Variants in ANKRD24 observed in about 807,000 individuals in gnomAD.
ANKRD24 encodes ankyrin repeat domain-containing protein 24.
A neutral mutation model predicts 127.8 loss-of-function variants in ANKRD24; 109 were observed. The observed-to-expected ratio is 0.85, with a 90% confidence interval of 0.73 to 1.00. The LOEUF is 1.00. Among genes scored for constraint, ANKRD24 ranks in the 50% least tolerant of loss-of-function variants. ANKRD24 has a pLI of 0.00. For missense variants in ANKRD24, 1,648 were observed against 1,570.2 expected (o/e 1.05, Z -0.84); for synonymous variants, 743 against 671.1 (o/e 1.11, Z -1.66).
At chr19:4,208,080 G>A in intron 10 of ANKRD24, 112 bp downstream of exon 10, 1 of 1,191,812 alleles carries the variant, frequency 8.4e-7, no homozygotes, top group Non-Finnish European at 1.1e-6. Flanking sequence ...CATTCTAGGA[G>A]GTCCTAGAGC....
intron 7 of ANKRD24, among the ~76,000 whole-genome samples, chr19:4,204,089 G>A (rs766845086): frequency 3.2e-4 from 46 of 146,020 alleles, no homozygotes; most frequent in Non-Finnish European, 6.1e-4. Flanking sequence ...TCAGCCTCCC[G>A]AGTAGCGGGG....
At chr19:4,196,219 G>A (rs1209261864) in intron 2 of ANKRD24, among the ~76,000 whole-genome samples, 1 of 152,164 alleles carries the variant, frequency 6.6e-6, no homozygotes, top group Non-Finnish European at 1.5e-5. Context: ...ATTTCAGAGA[G>A]GGAAAGCGAT....
rs373820003 is a variant in ANKRD24 at position 4,202,048 on chromosome 19, C to A, written c.366C>A (p.Ala122=). 6.2e-7 allele frequency: 1 copy of A among 1,613,718 alleles called. No individual in the cohort carries two copies. Among genetic ancestry groups the A allele is most frequent in the African/African-American group, 1.3e-5 (1 of 74,884 alleles). ...CAGGTTACAATGCCCTCCACCTGGC[C>A]GCCAAATACGGGCACCCACAGTGCT... The part of the protein sequence containing the change: ...DGAGYNALHL[A]AKYGHPQCLK... The change falls in exon 6 of 22, where the codon GCC becomes GCA. Residue 122 remains alanine (A), a synonymous_variant. Coordinates refer to ENST00000318934, the MANE Select transcript of ANKRD24 (RefSeq NM_001393985.1).
chr19:4,217,728 G>C lies in ANKRD24; in HGVS notation c.2568G>C (p.Gln856His). Residue 856 changes from glutamine (Q) to histidine (H), a missense_variant, in exon 18 of 22, where the codon CAG (glutamine) becomes CAC (histidine). Gln to His is a conservative substitution (Grantham distance 24). Transcript: ENST00000318934. ...GGGAGCTGGAGGTTCTGCGGGAGCA[G>C]CTGGCCACGGCCAGGGCCACGGGGG... ...QSRELEVLREQLATARATGEQ... is the reference protein window; with the variant it reads ...QSRELEVLREHLATARATGEQ... 4.6e-6 allele frequency: 6 copies of C among 1,293,386 alleles called. No individual in the cohort carries two copies. Among genetic ancestry groups the C allele is most frequent in the Non-Finnish European group, 5.9e-6 (6 of 1,025,020 alleles). The allele number at this position is 1,293,386 out of a possible 1,614,324, so 80.1% of individuals were successfully genotyped here.
Position 4,198,022 on chromosome 19 carries a change from G to C in ANKRD24, c.37-1661G>C, listed in dbSNP as rs1428104226. ...GTGAATGAATGAAAGTGTGAGTGGCGAGAGCCCTGCCGGCCGCGTGGAGGT... is the reference window on the plus strand; with the variant it reads ...GTGAATGAATGAAAGTGTGAGTGGCCAGAGCCCTGCCGGCCGCGTGGAGGT... On this transcript the variant is annotated intron_variant, in intron 2 of 21. Transcript: ENST00000318934. The surrounding 1 kb of genome is among the most constrained non-coding windows in gnomAD (Gnocchi z 6.1). The C allele has an allele frequency of 4.9e-6, 2 of 408,628 alleles. No homozygotes were observed. Among genetic ancestry groups the C allele is most frequent in the Non-Finnish European group, 8.7e-6 (2 of 231,004 alleles). 25.3% of individuals were successfully genotyped at this position (408,628 alleles called of 1,614,324 possible).
rs1970158391 is a variant in ANKRD24, at chr19:4,217,311, C to A, written c.2151C>A (p.Ala717=). ...TCCTACATCCTGGTGCCGCAGAGGC[C>A]TCGGAAAAGCTTCAAGTAGAGCTGG... is the stretch of plus-strand genomic sequence containing the variant. ...GPILHPGAAE[A]SEKLQVELET... is the part of the protein sequence containing the mutation. The change falls in exon 18 of 22, where the codon GCC becomes GCA. Residue 717 remains alanine (A), a synonymous_variant. Transcript: ENST00000318934. The A allele has an allele frequency of 6.4e-7, 1 of 1,552,576 alleles. No individual in the cohort carries two copies. Among genetic ancestry groups the A allele is most frequent in the South Asian group, 1.2e-5 (1 of 84,168 alleles).
In ANKRD24 at chr19:4,217,088, C is replaced by G. The variant is rs1291672940; in HGVS notation, c.1928C>G (p.Thr643Arg). Residue 643 changes from threonine (T) to arginine (R), a missense_variant, in exon 18 of 22, where the codon ACA becomes AGA. Physicochemically the swap from Thr to Arg is moderately conservative, Grantham distance 71 (BLOSUM62 -1). Transcript: ENST00000318934. ...TGVEAMGVEA[T>R]KTKAEEAEMQ... ...GTGGAGGCCATGGGGGTGGAGGCCA[C>G]AAAAACAAAAGCAGAGGAAGCAGAA... is the stretch of plus-strand genomic sequence containing the variant. 6.2e-7 allele frequency: 1 copy of G among 1,613,676 alleles called. No homozygotes were observed. The highest frequency in any genetic ancestry group is 8.5e-7 in the Non-Finnish European group (1 of 1,179,844).
In ANKRD24 at chr19:4,216,280, C is replaced by A. The variant is rs1262418086; in HGVS notation, c.1271-4C>A. On this transcript the variant is annotated splice_polypyrimidine_tract_variant and splice_region_variant and intron_variant, in intron 16 of 21. Transcript: ENST00000318934. The stretch of plus-strand genomic sequence containing the variant: ...CCAGGGCCTGACTCTGCGTCCCCCT[C>A]CAGGGGCCGAGGTGCTGCTGTCCAG... 3 of 1,552,206 alleles carry A rather than the reference C, an allele frequency of 1.9e-6. No homozygotes were observed. Among genetic ancestry groups the A allele is most frequent in the Non-Finnish European group, 2.6e-6 (3 of 1,147,454 alleles).
Position 4,217,865 on chromosome 19 carries a change from T to G in ANKRD24, c.2705T>G (p.Leu902Arg). 9 of 1,457,530 alleles carry G rather than the reference T, an allele frequency of 6.2e-6. No homozygotes were observed. Among genetic ancestry groups the G allele is most frequent in the Non-Finnish European group, 8.1e-6 (9 of 1,111,552 alleles). The allele number at this position is 1,457,530 out of a possible 1,614,324, so 90.3% of individuals were successfully genotyped here. A position where few individuals can be genotyped will look rare whatever the true frequency, so the allele number is the denominator to read the frequency against. The change falls in exon 18 of 22, where the codon CTG (leucine) becomes CGG (arginine). Residue 902 changes from leucine (L) to arginine (R), a missense_variant. By Grantham distance (102) the Leu-to-Arg change is moderately radical. Transcript: ENST00000318934. ...GAGGCGCGGCAGGGCCTGGCCGAGCTGCGGGAGGCCTCCGAGGCCCTCCGC... is the reference window on the plus strand; with the variant it reads ...GAGGCGCGGCAGGGCCTGGCCGAGCGGCGGGAGGCCTCCGAGGCCCTCCGC... ...CEEARQGLAELREASEALRQS... is the reference protein window; with the variant it reads ...CEEARQGLAERREASEALRQS...
chr19:4,213,295 T>C (rs914437720), intron 15 of ANKRD24, among the ~76,000 whole-genome samples: 2 of 137,006 alleles, frequency 1.5e-5, no homozygotes, highest in Non-Finnish European at 3.2e-5. Flanking sequence ...TTCCTTCCTT[T>C]CTTTCCTTCC....
intron 2 of ANKRD24, among the ~76,000 whole-genome samples, chr19:4,187,391 C>T (rs996239915): frequency 2.0e-5 from 3 of 147,712 alleles, no homozygotes; most frequent in East Asian, 4.0e-4. Context: ...GCAGCCTGGG[C>T]AACAGAGTGA....
At chr19:4,208,000 C>G (rs1171116500) in intron 10 of ANKRD24, 32 bp downstream of exon 10, 2 of 1,441,112 alleles carry the variant, frequency 1.4e-6, no homozygotes, top group Non-Finnish European at 1.8e-6. Context: ...AATGCATTTG[C>G]TTCTTGGCAG....
chr19:4,205,583 C>A (rs1969337084), intron 7 of ANKRD24, among the ~76,000 whole-genome samples: 1 of 152,198 alleles, frequency 6.6e-6, no homozygotes, highest in African/African-American at 2.4e-5. Context: ...CACAGTGGTG[C>A]ACGCCTGTAA....
chr19:4,183,098 C>G (rs1967832845), intron 1 of ANKRD24, among the ~76,000 whole-genome samples: 2 of 151,990 alleles, frequency 1.3e-5, no homozygotes, highest in South Asian at 4.1e-4. Context: ...CCTGCCTCAG[C>G]CTCCCTAGTA....
chr19:4,202,153 C>G, intron 6 of ANKRD24, 63 bp downstream of exon 6: 1 of 1,431,122 alleles, frequency 7.0e-7, no homozygotes, highest in Non-Finnish European at 9.9e-7. Flanking sequence ...TCCAGCAATT[C>G]CTTGAACCCC....
At chr19:4,211,637 C>T (rs1009627787) in intron 13 of ANKRD24, among the ~76,000 whole-genome samples, 5 of 151,934 alleles carry the variant, frequency 3.3e-5, no homozygotes, top group African/African-American at 1.2e-4. Flanking sequence ...GAGCAAGACT[C>T]CATCTCAACA....
rs746564435 is a variant in ANKRD24 at position 4,207,834 on chromosome 19, T to G, written c.698T>G (p.Leu233Arg). 1 of 1,574,204 alleles carries G rather than the reference T, an allele frequency of 6.4e-7. No individual in the cohort carries two copies. Residue 233 changes from leucine to arginine, a missense_variant, in exon 10 of 22, where the codon CTG becomes CGG. Leu to Arg is a moderately radical substitution (Grantham distance 102). Transcript: ENST00000318934. ...GCCAGCCCCGAAACAGTGGAGGTCC[T>G]GCTGCAGGGCGGAGCCCAGCCGGGC... ...EGASPETVEV[L>R]LQGGAQPGIT...
Position 4,217,522 on chromosome 19 carries a change from C to T in ANKRD24, c.2362C>T (p.Arg788Trp). The T allele has an allele frequency of 1.5e-6, 2 of 1,365,712 alleles. No individual in the cohort carries two copies. Among genetic ancestry groups the T allele is most frequent in the South Asian group, 1.7e-5 (1 of 59,048 alleles). 84.6% of individuals were successfully genotyped at this position (1,365,712 alleles called of 1,614,324 possible). A position where few individuals can be genotyped will look rare whatever the true frequency, so the allele number is the denominator to read the frequency against. ...CGGTGGCGGTGACACCACACAGCTG[C>T]GGGCGGCCCTGGAGCAGGCCCGGGA... is the stretch of plus-strand genomic sequence containing the variant. ...GGGGGDTTQL[R>W]AALEQAREDL... Residue 788 changes from arginine to tryptophan, a missense_variant, in exon 18 of 22, where the codon CGG becomes TGG. Transcript: ENST00000318934.
rs1324738491 is a variant in ANKRD24, at chr19:4,217,318, A to G, written c.2158A>G (p.Lys720Glu). ...TCCTGGTGCCGCAGAGGCCTCGGAA[A>G]AGCTTCAAGTAGAGCTGGAGACCAG... Reference protein sequence around the residue: ...LHPGAAEASEKLQVELETRIR... With the variant: ...LHPGAAEASEELQVELETRIR... Residue 720 changes from lysine (K) to glutamate (E), a missense_variant, in exon 18 of 22, where the codon AAG (lysine) becomes GAG (glutamate). Transcript: ENST00000318934. The G allele has an allele frequency of 8.4e-6, 13 of 1,552,162 alleles. No individual in the cohort carries two copies. Among genetic ancestry groups the G allele is most frequent in the Non-Finnish European group, 1.1e-5 (13 of 1,147,400 alleles).
Sources: allele counts gnomAD v4.1 joint callset (sites outside exome capture counted in the v4.1 genomes callset), GRCh38; gene constraint gnomAD v4.1.1; non-coding constraint Gnocchi (gnomAD v3.1); transcripts MANE v1.5; gene names NCBI Gene and HGNC (gene_info 2026-07-23, HGNC 2026-07-21).